The following PMEPA1 variants were observed in gnomAD, a reference collection of about 807,000 sequenced individuals.
The protein encoded by PMEPA1 is prostate transmembrane protein, androgen induced 1.
PMEPA1 carries 11 observed loss-of-function variants against 23.0 expected under a neutral mutation model. That is an observed-to-expected ratio of 0.48 (90% CI 0.30 to 0.79). The LOEUF (loss-of-function observed/expected upper bound fraction) is 0.79. PMEPA1 is among the 30% of genes least tolerant of loss of function. The probability of loss-of-function intolerance (pLI) is 0.06; values close to 1 mark genes in which losing one functional copy is unlikely to be tolerated. For missense variants in PMEPA1, 377 were observed against 390.9 expected (o/e 0.96, Z 0.30); for synonymous variants, 204 against 166.4 (o/e 1.23, Z -1.74).
chr20:57,710,074 G>C, upstream of PMEPA1: 4 of 982,044 alleles, frequency 4.1e-6, no homozygotes, highest in Non-Finnish European at 4.9e-6. Flanking sequence ...GGGGGCGCGC[G>C]CTGCGCCAAT....
At chr20:57,668,602 T>C (rs1041483565) in intron 1 of PMEPA1, among the ~76,000 whole-genome samples, 8 of 152,222 alleles carry the variant, frequency 5.3e-5, no homozygotes, top group African/African-American at 1.9e-4. Flanking sequence ...CCATCACTTA[T>C]GTGCAGTGTA....
At chr20:57,701,587 AC>A (rs1334640991) in intron 1 of PMEPA1, among the ~76,000 whole-genome samples, 2 of 152,174 alleles carry the variant, frequency 1.3e-5, no homozygotes, top group Non-Finnish European at 2.9e-5. Flanking sequence ...AAACTCGGGC[AC>A]AGTTTCCTGC....
At chr20:57,658,708 G>T (rs2071361996) in intron 2 of PMEPA1, among the ~76,000 whole-genome samples, 1 of 152,204 alleles carries the variant, frequency 6.6e-6, no homozygotes, top group African/African-American at 2.4e-5. Flanking sequence ...TACTGGTGGA[G>T]ATGGGATTAA....
intron 1 of PMEPA1, among the ~76,000 whole-genome samples, chr20:57,662,466 G>A (rs1046692679): frequency 2.0e-5 from 3 of 152,184 alleles, no homozygotes; most frequent in Non-Finnish European, 4.4e-5. Flanking sequence ...CTTCGGCCCT[G>A]CCTGCTGGGA....
In PMEPA1 at chr20:57,707,930, G is replaced by C. The variant is rs571822191; in HGVS notation, c.109+1544C>G. ...TCACAAAGGGCCTCTGGGAAGGCAA[G>C]TCGGTTCCGCAAACGCTGGCTCTGG... On this transcript the variant is annotated intron_variant, in intron 1 of 3. Coordinates refer to ENST00000341744, the MANE Select transcript of PMEPA1 (RefSeq NM_020182.5). 3.9e-5 allele frequency among the ~76,000 whole-genome samples: 6 copies of C among 152,372 alleles called. No homozygotes were observed. In the South Asian group the frequency reaches 1.2e-3, roughly 32 times the overall value.
chr20:57,686,608 C>T (rs2071804182), intron 1 of PMEPA1, among the ~76,000 whole-genome samples: 1 of 152,244 alleles, frequency 6.6e-6, no homozygotes, highest in Non-Finnish European at 1.5e-5. Context: ...TGCCCTTGTG[C>T]ATTAAACCCA....
chr20:57,693,435 C>T (rs1454093702), intron 1 of PMEPA1, among the ~76,000 whole-genome samples: 5 of 152,320 alleles, frequency 3.3e-5, no homozygotes, highest in East Asian at 3.9e-4. Context: ...GCCAGACAGG[C>T]GGCAGAACTT....
rs75623196 is a variant in PMEPA1 at position 57,653,221 on chromosome 20, C to T, written c.265-135G>A. 6.0e-3 allele frequency: 4,432 copies of T among 733,502 alleles called. 143 individuals carry two copies. The African/African-American group carries it at 0.067, about 11-fold the overall frequency. 45.4% of individuals were successfully genotyped at this position (733,502 alleles called of 1,614,324 possible). A position where few individuals can be genotyped will look rare whatever the true frequency, so the allele number is the denominator to read the frequency against. On this transcript the variant is annotated intron_variant, in intron 2 of 3. Coordinates refer to ENST00000341744, the MANE Select transcript of PMEPA1 (RefSeq NM_020182.5). ...CCCGCCCACCTCTCTGCATCGGAAC[C>T]AGCTTCCCCAGCCCCTGGCCCTGGG...
intron 1 of PMEPA1, among the ~76,000 whole-genome samples, chr20:57,675,971 C>G (rs2071631293): frequency 6.6e-6 from 1 of 152,268 alleles, no homozygotes; most frequent in South Asian, 2.1e-4. Context: ...CTCTCCCTGT[C>G]CCCGCCCCAC....
chr20:57,678,615 G>A (rs887723602), intron 1 of PMEPA1, among the ~76,000 whole-genome samples: 1 of 152,192 alleles, frequency 6.6e-6, no homozygotes, highest in Non-Finnish European at 1.5e-5. Flanking sequence ...GCAGCCACAC[G>A]AAACCATCTC....
chr20:57,708,927 C>A (rs915816641), intron 1 of PMEPA1, among the ~76,000 whole-genome samples: 7 of 152,064 alleles, frequency 4.6e-5, no homozygotes, highest in Admixed American at 3.9e-4. Flanking sequence ...CCCCCAGACA[C>A]CCCGAGAGAC....
chr20:57,675,449 C>T (rs1045665194), intron 1 of PMEPA1, among the ~76,000 whole-genome samples: 1 of 152,232 alleles, frequency 6.6e-6, no homozygotes, highest in Non-Finnish European at 1.5e-5. Flanking sequence ...TCATGACCCA[C>T]GTGCCCCCCA....
intron 1 of PMEPA1, among the ~76,000 whole-genome samples, chr20:57,667,557 C>T (rs1464877549): frequency 2.0e-5 from 3 of 152,200 alleles, no homozygotes; most frequent in South Asian, 2.1e-4. Flanking sequence ...CCCCCTCCAC[C>T]GCCACCCCAA....
chr20:57,694,732 T>C (rs2071923904), intron 1 of PMEPA1, among the ~76,000 whole-genome samples: 1 of 152,224 alleles, frequency 6.6e-6, no homozygotes, highest in Admixed American at 6.5e-5. Context: ...TAGTAGCTCT[T>C]GCAGGGCTGC....
At position 57,683,566 on chromosome 20, in the gene PMEPA1, T is replaced by C. The variant is rs9712421; in HGVS notation, c.110-23869A>G. Among the ~76,000 whole-genome samples the C allele has an allele frequency of 7.5e-4, 54 of 71,628 alleles. No individual in the cohort carries two copies. The highest frequency in any genetic ancestry group is 7.1e-3 in the Middle Eastern group (1 of 140). 47.0% of individuals were successfully genotyped at this position (71,628 alleles called of 152,430 possible). On this transcript the variant is annotated intron_variant, in intron 1 of 3. Coordinates refer to ENST00000341744, the MANE Select transcript of PMEPA1 (RefSeq NM_020182.5). This position sits in a 1 kb window ranked among gnomAD's most constrained non-coding sequence, Gnocchi z 4.3. ...TCTGGCCTGTGTGCGTGTGTGTGTG[T>C]GTGTGTGTGTGTGTGTGTTTCTTTT...
At chr20:57,657,586 G>A (rs994027992) in intron 2 of PMEPA1, among the ~76,000 whole-genome samples, 1 of 152,232 alleles carries the variant, frequency 6.6e-6, no homozygotes, top group African/African-American at 2.4e-5. Flanking sequence ...CGGACAGCGT[G>A]CTGGGACGCA....
intron 1 of PMEPA1, among the ~76,000 whole-genome samples, chr20:57,708,098 A>AT (rs142990971): frequency 0.012 from 1,837 of 152,224 alleles, 49 homozygotes; most frequent in African/African-American, 0.042. Flanking sequence ...CAGCCTGGTT[A>AT]TTTTTACCAC....
chr20:57,690,264 C>T (rs548296022), intron 1 of PMEPA1: 45 of 462,946 alleles, frequency 9.7e-5, no homozygotes, highest in African/African-American at 5.5e-4. Context: ...CGCTGGGCAG[C>T]GGCTTGGGGC....
intron 1 of PMEPA1, among the ~76,000 whole-genome samples, chr20:57,661,525 C>T (rs1474474841): frequency 6.6e-6 from 1 of 152,218 alleles, no homozygotes; most frequent in Admixed American, 6.5e-5. Flanking sequence ...ATTAGCCAGG[C>T]TCCCTGGGGG....
Sources: allele counts gnomAD v4.1 joint callset (sites outside exome capture counted in the v4.1 genomes callset), GRCh38; gene constraint gnomAD v4.1.1; non-coding constraint Gnocchi (gnomAD v3.1); transcripts MANE v1.5; gene names NCBI Gene and HGNC (gene_info 2026-07-23, HGNC 2026-07-21).